OTUD7A: variants seen among roughly 807,000 people sequenced by gnomAD.
OTUD7A encodes the protein OTU deubiquitinase 7A, also known as OTU domain-containing protein 7A.
Under a neutral mutation model 65.7 loss-of-function variants are expected in OTUD7A, and 12 were observed. That is an observed-to-expected ratio of 0.18 (90% CI 0.12 to 0.30). The LOEUF is 0.30. Among genes scored for constraint, OTUD7A ranks in the 10% least tolerant of loss-of-function variants. OTUD7A has a pLI of 1.00. For missense variants in OTUD7A, 1,148 were observed against 1,304.8 expected (o/e 0.88, Z 1.85); for synonymous variants, 641 against 586.3 (o/e 1.09, Z -1.35).
intron 1 of OTUD7A, among the ~76,000 whole-genome samples, chr15:31,665,773 T>C (rs2141289871): frequency 6.6e-6 from 1 of 152,342 alleles, no homozygotes; most frequent in African/African-American, 2.4e-5. Flanking sequence ...TCCCATTCAG[T>C]ATTATGTTGG....
chr15:31,856,221 T>C (rs1201942055), intron 1 of OTUD7A, among the ~76,000 whole-genome samples: 2 of 152,228 alleles, frequency 1.3e-5, no homozygotes, highest in Non-Finnish European at 2.9e-5. Context: ...ACAAGTATTC[T>C]ATGTATGTTC....
At chr15:31,548,093 T>C (rs1888191818) in intron 5 of OTUD7A, among the ~76,000 whole-genome samples, 1 of 152,210 alleles carries the variant, frequency 6.6e-6, no homozygotes. Flanking sequence ...ATTTGATAAC[T>C]TCATTTGATT....
At chr15:31,585,046 C>G (rs891759975) in intron 3 of OTUD7A, among the ~76,000 whole-genome samples, 2 of 152,150 alleles carry the variant, frequency 1.3e-5, no homozygotes, top group South Asian at 4.1e-4. Flanking sequence ...GAGGACATTG[C>G]GCCTCCCTTT....
rs1032820844 is a variant in OTUD7A, at chr15:31,601,996, T to G, written c.152-31799A>C. On this transcript the variant is annotated intron_variant, in intron 3 of 12. Coordinates refer to ENST00000307050, the MANE Select transcript of OTUD7A (RefSeq NM_001382637.1). Reference sequence around the variant, plus strand: ...CAACCAAAAAAAGTCCAGGAACAGATAGATTCACAGCCGAATTCTACCAAA... The same window carrying G: ...CAACCAAAAAAAGTCCAGGAACAGAGAGATTCACAGCCGAATTCTACCAAA... 4.6e-5 allele frequency among the ~76,000 whole-genome samples: 7 copies of G among 152,216 alleles called. No individual in the cohort carries two copies. The East Asian group carries it at 1.3e-3, about 29-fold the overall frequency.
At chr15:31,636,471 C>T (rs544274052) in intron 3 of OTUD7A, among the ~76,000 whole-genome samples, 7 of 152,160 alleles carry the variant, frequency 4.6e-5, no homozygotes, top group Non-Finnish European at 7.3e-5. Context: ...TCCCTCTCCT[C>T]AGGCCTCCCT....
In OTUD7A at chr15:31,596,101, G is replaced by A. The variant is rs139397796; in HGVS notation, c.152-25904C>T. On this transcript the variant is annotated intron_variant, in intron 3 of 12. Coordinates refer to ENST00000307050, the MANE Select transcript of OTUD7A (RefSeq NM_001382637.1). Reference sequence around the variant, plus strand: ...CTGATTAGCGACCTGAATTCCATCTGCAAAGTCCCTTCGCAGTGGTAACCA... The same window carrying A: ...CTGATTAGCGACCTGAATTCCATCTACAAAGTCCCTTCGCAGTGGTAACCA... Among the ~76,000 whole-genome samples the A allele has an allele frequency of 7.9e-5, 12 of 152,168 alleles. 1 individual carries two copies. In the East Asian group the frequency reaches 2.3e-3, roughly 29 times the overall value.
intron 1 of OTUD7A, among the ~76,000 whole-genome samples, chr15:31,781,464 G>C (rs1326222105): frequency 6.6e-6 from 1 of 151,526 alleles, no homozygotes; most frequent in Non-Finnish European, 1.5e-5. Flanking sequence ...CCATCCCACT[G>C]CACCCTGTCT....
At chr15:31,837,627 C>T (rs1291731227) in intron 1 of OTUD7A, among the ~76,000 whole-genome samples, 1 of 151,846 alleles carries the variant, frequency 6.6e-6, no homozygotes, top group Non-Finnish European at 1.5e-5. Flanking sequence ...TTGAAAGTCA[C>T]AAAGCAATGA....
rs758002887 is a variant in OTUD7A at position 31,559,125 on chromosome 15, G to A, written c.394C>T (p.His132Tyr). 10 of 1,614,206 alleles carry A rather than the reference G, an allele frequency of 6.2e-6. No homozygotes were observed. Among genetic ancestry groups the A allele is most frequent in the East Asian group, 2.2e-5 (1 of 44,894 alleles). ...TCGTTGTTGCATTCACTTGCCACGT[G>A]GGACCGGGCCAGGGAGACGATGGCT... ...SSAIVSLARS[H>Y]VASECNNEQF... is the part of the protein sequence containing the mutation. The change falls in exon 5 of 13, where the codon CAC becomes TAC. Residue 132 changes from histidine (H) to tyrosine (Y), a missense_variant. This residue lies in a region of OTUD7A where 134 missense variants were observed against 252.6 expected (regional missense o/e 0.53). Coordinates refer to ENST00000307050, the MANE Select transcript of OTUD7A (RefSeq NM_001382637.1).
intron 3 of OTUD7A, among the ~76,000 whole-genome samples, chr15:31,571,076 T>C (rs955210073): frequency 3.3e-5 from 5 of 152,316 alleles, no homozygotes; most frequent in Admixed American, 2.6e-4. Flanking sequence ...TTTGAGGTGA[T>C]GGATATCCCA....
chr15:31,520,417 T>C (rs8029195), intron 8 of OTUD7A, among the ~76,000 whole-genome samples: 14,201 of 152,300 alleles, frequency 0.093, 868 homozygotes, highest in African/African-American at 0.17. Flanking sequence ...CGTCATTCAC[T>C]ATTTAGTGTT....
intron 1 of OTUD7A, among the ~76,000 whole-genome samples, chr15:31,805,387 G>C (rs1184140328): frequency 1.3e-5 from 2 of 152,196 alleles, no homozygotes; most frequent in African/African-American, 4.8e-5. Context: ...ACCCTCCCCA[G>C]GGCCCACTGA....
intron 5 of OTUD7A, among the ~76,000 whole-genome samples, chr15:31,536,727 A>G (rs1887814888): frequency 6.6e-6 from 1 of 152,246 alleles, no homozygotes; most frequent in Non-Finnish European, 1.5e-5. Context: ...CCTAAGTGAA[A>G]TAAATCATGC....
intron 1 of OTUD7A, among the ~76,000 whole-genome samples, chr15:31,777,857 T>A (rs73378698): frequency 6.6e-6 from 1 of 152,016 alleles, no homozygotes; most frequent in African/African-American, 2.4e-5. Flanking sequence ...AGCTGCAGAA[T>A]TGAGAGCAAA....
intron 1 of OTUD7A, among the ~76,000 whole-genome samples, chr15:31,837,737 A>C (rs1414975238): frequency 1.3e-5 from 2 of 152,238 alleles, no homozygotes. Context: ...AATTCTTATC[A>C]AAATCCCAGC....
intron 1 of OTUD7A, among the ~76,000 whole-genome samples, chr15:31,842,311 G>A (rs1316637665): frequency 6.6e-6 from 1 of 152,214 alleles, no homozygotes; most frequent in Non-Finnish European, 1.5e-5. Context: ...TTACTTGGCT[G>A]CATTTATTAA....
intron 1 of OTUD7A, among the ~76,000 whole-genome samples, chr15:31,812,916 C>T (rs1356789272): frequency 6.6e-6 from 1 of 152,152 alleles, no homozygotes; most frequent in East Asian, 1.9e-4. Flanking sequence ...GTTTAGCTGT[C>T]ATTTCTAAGG....
chr15:31,643,893 A>T (rs1216933971), intron 3 of OTUD7A, among the ~76,000 whole-genome samples: 1 of 152,192 alleles, frequency 6.6e-6, no homozygotes, highest in South Asian at 2.1e-4. Flanking sequence ...CAGCCCAGGA[A>T]ATCACTCCTC....
At chr15:31,515,838 T>C (rs570332477) in intron 8 of OTUD7A, among the ~76,000 whole-genome samples, 4 of 131,256 alleles carry the variant, frequency 3.0e-5, no homozygotes, top group Non-Finnish European at 3.3e-5. Context: ...TCCATCCATC[T>C]GTCCATCCAT....
Sources: allele counts gnomAD v4.1 joint callset (sites outside exome capture counted in the v4.1 genomes callset), GRCh38; gene constraint gnomAD v4.1.1; regional missense constraint gnomAD v4.1.1; transcripts MANE v1.5; gene names NCBI Gene and HGNC (gene_info 2026-07-23, HGNC 2026-07-21).